SHOC1: variants seen among roughly 807,000 people sequenced by gnomAD.
The protein encoded by SHOC1 is shortage in chiasmata 1, also known as protein shortage in chiasmata 1 ortholog.
Under a neutral mutation model 179.2 loss-of-function variants are expected in SHOC1, and 136 were observed. That is an observed-to-expected ratio of 0.76 (90% confidence interval 0.66 to 0.87). SHOC1 has a LOEUF of 0.87. Ranked by LOEUF, SHOC1 falls within the 40% of genes least tolerant of loss-of-function variation. SHOC1 has a pLI of 0.00. For missense variants in SHOC1, 1,538 were observed against 1,700.8 expected, an observed-to-expected ratio of 0.90 and a Z score of 1.68; for synonymous variants, 489 against 586.6, an observed-to-expected ratio of 0.83 and a Z score of 2.41.
chr9:111,714,260 A>ATAAGGATGATT (rs1832687834), intron 17 of SHOC1, among the ~76,000 whole-genome samples, 185 bp downstream of exon 17: 1 of 152,182 alleles, frequency 6.6e-6, no homozygotes, highest in Non-Finnish European at 1.5e-5. Context: ...TGAGACATGA[A>ATAAGGATGATT]TAATGATGCA....
intron 13 of SHOC1, among the ~76,000 whole-genome samples, chr9:111,726,040 A>G (rs1160013607): frequency 6.6e-6 from 1 of 152,110 alleles, no homozygotes; most frequent in Middle Eastern, 3.2e-3. Context: ...GAGAATAACA[A>G]ATCTTTGAAA....
intron 13 of SHOC1, 43 bp from the exon 14 acceptor site, chr9:111,723,954 G>T (rs1365578992): frequency 7.3e-7 from 1 of 1,377,986 alleles, no homozygotes; most frequent in South Asian, 1.3e-5. Flanking sequence ...TTGTTCAAGA[G>T]AAACTTAATG....
intron 5 of SHOC1, among the ~76,000 whole-genome samples, chr9:111,768,635 G>A (rs1261221388): frequency 6.6e-6 from 1 of 152,158 alleles, no homozygotes; most frequent in Non-Finnish European, 1.5e-5. Context: ...GGTTCAAGGG[G>A]TAACATGTGT....
At position 111,782,596 on chromosome 9, in the gene SHOC1, C is replaced by T. The variant is rs193220466; in HGVS notation, c.170-1579G>A. 6.1e-3 allele frequency among the ~76,000 whole-genome samples: 933 copies of T among 152,132 alleles called. 1 individual carries two copies. The highest frequency in any genetic ancestry group is 0.01 in the Non-Finnish European group (691 of 67,970). On this transcript the variant is annotated intron_variant, in intron 3 of 27. Transcript: ENST00000682961. ...ATTACTGGAAAAAAAATCACCCAGC[C>T]GTGCTAAAGGAACTCATTCCAAATT...
At chr9:111,691,481 A>G in intron 27 of SHOC1, 70 bp downstream of exon 27, 2 of 1,434,624 alleles carry the variant, frequency 1.4e-6, no homozygotes, top group Non-Finnish European at 1.9e-6. Flanking sequence ...AAAAATGTTA[A>G]ATTTGGAGAT....
At chr9:111,758,884 AAAAC>A (rs768618683) in intron 5 of SHOC1, 36 bp from the exon 6 acceptor site, 4 of 1,281,576 alleles carry the variant, frequency 3.1e-6, no homozygotes, top group Non-Finnish European at 4.3e-6. Flanking sequence ...GAATAAGAAA[AAAAC>A]AAAAAGTTAT....
At chr9:111,729,747 C>T (rs568680754) in intron 12 of SHOC1, among the ~76,000 whole-genome samples, 75 of 152,224 alleles carry the variant, frequency 4.9e-4, no homozygotes, top group African/African-American at 1.8e-3. Context: ...CAAAAATTAG[C>T]TGGGCATGGT....
chr9:111,775,064 C>T (rs1195424448), intron 5 of SHOC1, among the ~76,000 whole-genome samples: 2 of 151,988 alleles, frequency 1.3e-5, no homozygotes, highest in Admixed American at 1.3e-4. Context: ...GGCGCGATCT[C>T]GGTTCACTGT....
chr9:111,722,517 A>G lies in SHOC1; in HGVS notation c.2023T>C (p.Leu675=), dbSNP rs1286857819. The G allele has an allele frequency of 1.2e-6, 2 of 1,611,434 alleles. No homozygotes were observed. The highest frequency in any genetic ancestry group is 1.7e-6 in the Non-Finnish European group (2 of 1,179,512). Residue 675 remains leucine (L), a synonymous_variant, in exon 15 of 28, where the codon TTG becomes CTG. Coordinates refer to ENST00000682961, the MANE Select transcript of SHOC1 (RefSeq NM_001378211.1). The stretch of plus-strand genomic sequence containing the variant: ...CAATTAGCAGTAGGGAGGGTACACA[A>G]GGATACAAGGTTTTTTAAGATAGGA... ...ASPILKNLVS[L]CTLPTANWKF... is the part of the protein sequence containing the mutation.
intron 8 of SHOC1, 56 bp from the exon 9 acceptor site, chr9:111,748,255 A>C: frequency 8.0e-7 from 1 of 1,243,140 alleles, no homozygotes; most frequent in Non-Finnish European, 1.2e-6. Context: ...AATTTTCTGT[A>C]ACCTTGTTCA....
chr9:111,794,571 G>A (rs571825763), intron 1 of SHOC1, among the ~76,000 whole-genome samples: 3 of 152,140 alleles, frequency 2.0e-5, no homozygotes, highest in South Asian at 2.1e-4. Flanking sequence ...GCAACAGAGC[G>A]AGACCCTGTC....
In SHOC1 at chr9:111,728,078, T is replaced by C. The variant is rs1487812686; in HGVS notation, c.1418-29A>G. The C allele has an allele frequency of 2.1e-6, 3 of 1,462,954 alleles. No homozygotes were observed. The African/African-American group carries it at 4.3e-5, about 21-fold the overall frequency. 90.6% of individuals were successfully genotyped at this position (1,462,954 alleles called of 1,614,324 possible). On this transcript the variant is annotated intron_variant, in intron 12 of 27. Transcript: ENST00000682961. ...AAAACAGAAAATAACAACACACAAG[T>C]AACTTCCACACCTAAACGAGTGTTC...
chr9:111,739,703 G>T (rs1833951923), intron 11 of SHOC1, among the ~76,000 whole-genome samples: 1 of 151,986 alleles, frequency 6.6e-6, no homozygotes, highest in Non-Finnish European at 1.5e-5. Context: ...AAGACGTCTT[G>T]TTCCCCCCTT....
chr9:111,716,671 G>A (rs745551475), intron 16 of SHOC1, among the ~76,000 whole-genome samples: 4 of 152,150 alleles, frequency 2.6e-5, no homozygotes, highest in African/African-American at 7.2e-5. Context: ...GATTACAGGC[G>A]TGAGCCATGG....
intron 16 of SHOC1, among the ~76,000 whole-genome samples, chr9:111,717,794 A>T (rs1420964994): frequency 6.6e-6 from 1 of 152,174 alleles, no homozygotes; most frequent in Non-Finnish European, 1.5e-5. Flanking sequence ...ATTGGAAAAG[A>T]TCTTACTCCT....
chr9:111,691,449 T>G, intron 27 of SHOC1, 102 bp downstream of exon 27: 1 of 1,110,402 alleles, frequency 9.0e-7, no homozygotes, highest in Non-Finnish European at 1.3e-6. Context: ...AGAAGTTTTT[T>G]AAATGTAGTA....
chr9:111,696,423 A>G (rs372718545), intron 24 of SHOC1, among the ~76,000 whole-genome samples: 1 of 152,206 alleles, frequency 6.6e-6, no homozygotes, highest in Non-Finnish European at 1.5e-5. Flanking sequence ...CAACAATGTC[A>G]TCAAGTCAGG....
chr9:111,690,301 C>T (rs1257257161), intron 27 of SHOC1, among the ~76,000 whole-genome samples: 2 of 152,040 alleles, frequency 1.3e-5, no homozygotes, highest in African/African-American at 4.8e-5. Flanking sequence ...TGGTGCATGC[C>T]TGTAATCCCA....
At chr9:111,711,427 C>T (rs1204795273) in intron 18 of SHOC1, among the ~76,000 whole-genome samples, 2 of 152,156 alleles carry the variant, frequency 1.3e-5, no homozygotes, top group Non-Finnish European at 2.9e-5. Flanking sequence ...CTCCTGTCCT[C>T]TTCCTGTGTG....
Sources: gnomAD v4.1 joint callset for allele counts (sites outside exome capture counted in the v4.1 genomes callset) on GRCh38, gnomAD v4.1.1 for gene constraint, MANE v1.5 for transcripts, NCBI Gene and HGNC (gene_info 2026-07-23, HGNC 2026-07-21) for gene names.